The following ADAMTS8 variants were observed in gnomAD, a reference collection of about 807,000 sequenced individuals.
The protein encoded by ADAMTS8 is A disintegrin and metalloproteinase with thrombospondin motifs 8.
Under a neutral mutation model 64.4 loss-of-function variants are expected in ADAMTS8, and 50 were observed. The ratio of observed to expected loss-of-function variants is 0.78; its 90% confidence interval spans 0.62 to 0.98. The LOEUF is 0.98. Among genes scored for constraint, ADAMTS8 ranks in the 50% least tolerant of loss-of-function variants. ADAMTS8 has a pLI of 0.00. For missense variants in ADAMTS8, 1,192 were observed against 1,208.2 expected, an observed-to-expected ratio of 0.99 and a Z score of 0.20; for synonymous variants, 556 against 533.6, an observed-to-expected ratio of 1.04 and a Z score of -0.58.
At position 130,419,152 on chromosome 11, in the gene ADAMTS8, C is replaced by T. The variant is rs767856852; in HGVS notation, c.861G>A (p.Gly287=). 33 of 1,614,202 alleles carry T rather than the reference C, an allele frequency of 2.0e-5. No homozygotes were observed. Among genetic ancestry groups the T allele is most frequent in the Middle Eastern group, 1.6e-4 (1 of 6,062 alleles). Residue 287 remains glycine, a synonymous_variant, in exon 2 of 9, where the codon GGG becomes GGA. Coordinates refer to ENST00000257359, the MANE Select transcript of ADAMTS8 (RefSeq NM_007037.6). The stretch of plus-strand genomic sequence containing the variant: ...AGTTGCAGAAGTTACGCAGTGTAAG[C>T]CCCCCATTGTCGGACACCTCTGGGC... ...KWGPEVSDNG[G]LTLRNFCNWQ...
rs1427511306 is a variant in ADAMTS8 at position 130,414,591 on chromosome 11, C to A, written c.1506G>T (p.Gly502=). The change falls in exon 5 of 9, where the codon GGG becomes GGT. Residue 502 remains glycine (G), a synonymous_variant. Transcript: ENST00000257359. ...SLPWADGTPC[G]PGHLCSEGSC... ...TGCCTTCTGAGCAGAGGTGCCCAGG[C>A]CCGCACGGCGTGCCGTCAGCCCAGG... 1 of 1,613,086 alleles carries A rather than the reference C, an allele frequency of 6.2e-7. No homozygotes were observed. The highest frequency in any genetic ancestry group is 1.3e-5 in the African/African-American group (1 of 74,948).
Position 130,419,224 on chromosome 11 carries a change from G to A in ADAMTS8, c.789C>T (p.Ile263=). The A allele has an allele frequency of 6.2e-7, 1 of 1,614,126 alleles. No homozygotes were observed. Among genetic ancestry groups the A allele is most frequent in the Non-Finnish European group, 8.5e-7 (1 of 1,180,038 alleles). The change falls in exon 2 of 9, where the codon ATC becomes ATT. Residue 263 remains isoleucine (I), a synonymous_variant. Transcript: ENST00000257359. ...TCAGCACTTTTACCACCATCAGGTTGATGGAATTCTTGATGCTGGGGTGCT... is the reference window on the plus strand; with the variant it reads ...TCAGCACTTTTACCACCATCAGGTTAATGGAATTCTTGATGCTGGGGTGCT... ...IYKHPSIKNS[I]NLMVVKVLIV...
At chr11:130,422,814 C>T (rs1033389771) in intron 1 of ADAMTS8, among the ~76,000 whole-genome samples, 36 of 152,190 alleles carry the variant, frequency 2.4e-4, no homozygotes, top group Admixed American at 2.2e-3. Context: ...GCTGAAACAG[C>T]GGTGGCCGGC....
At chr11:130,423,599 G>A (rs747301730) in intron 1 of ADAMTS8, among the ~76,000 whole-genome samples, 1 of 152,180 alleles carries the variant, frequency 6.6e-6, no homozygotes, top group African/African-American at 2.4e-5. Flanking sequence ...TGTGACAGCC[G>A]TCCCTGAAGT....
In ADAMTS8 at chr11:130,414,520, C is replaced by T; in HGVS notation, c.1566+11G>A. On this transcript the variant is annotated intron_variant, in intron 5 of 8. Transcript: ENST00000257359. ...TTCCCCTCCCCGCTATCCTCAGGGG[C>T]TGTCCCTCACCTTGGGCCTCTCCAC... 6.3e-7 allele frequency: 1 copy of T among 1,581,120 alleles called. No homozygotes were observed. Among genetic ancestry groups the T allele is most frequent in the Non-Finnish European group, 8.6e-7 (1 of 1,160,762 alleles).
Position 130,428,001 on chromosome 11 carries a change from C to T in ADAMTS8, c.286G>A (p.Gly96Arg). 2 of 1,526,636 alleles carry T rather than the reference C, an allele frequency of 1.3e-6. No individual in the cohort carries two copies. The highest frequency in any genetic ancestry group is 2.5e-5 in the East Asian group (1 of 39,656). The allele number at this position is 1,526,636 out of a possible 1,614,324, so 94.6% of individuals were successfully genotyped here. A position where few individuals can be genotyped will look rare whatever the true frequency, so the allele number is the denominator to read the frequency against. ...GSGRATGGERGLRGCFFSGTV... is the reference protein window; with the variant it reads ...GSGRATGGERRLRGCFFSGTV... ...CCGGAGAAGAAGCAGCCGCGCAGCC[C>T]CCGCTCGCCCCCGGTCGCCCGGCCG... is the stretch of plus-strand genomic sequence containing the variant. The change falls in exon 1 of 9, where the codon GGG becomes AGG. Residue 96 changes from glycine to arginine, a missense_variant. Gly to Arg is a moderately radical substitution (Grantham distance 125). This residue lies in a region of ADAMTS8 where 741 missense variants were observed against 710.6 expected (regional missense o/e 1.04). Coordinates refer to ENST00000257359, the MANE Select transcript of ADAMTS8 (RefSeq NM_007037.6).
chr11:130,428,146 G>T lies in ADAMTS8; in HGVS notation c.141C>A (p.Pro47=), dbSNP rs1266006887. 1.3e-6 allele frequency: 2 copies of T among 1,485,014 alleles called. No individual in the cohort carries two copies. Among genetic ancestry groups the T allele is most frequent in the Admixed American group, 2.3e-5 (1 of 43,500 alleles). 92.0% of individuals were successfully genotyped at this position (1,485,014 alleles called of 1,614,324 possible). A position where few individuals can be genotyped will look rare whatever the true frequency, so the allele number is the denominator to read the frequency against. Reference sequence around the variant, plus strand: ...GGAGCGCGAGCTCGCCCGCGCTGCCGGGCAACCGCGTGGGCACCACCAGCT... The same window carrying T: ...GGAGCGCGAGCTCGCCCGCGCTGCCTGGCAACCGCGTGGGCACCACCAGCT... ...ASELVVPTRL[P]GSAGELALHL... The change falls in exon 1 of 9, where the codon CCC becomes CCA. Residue 47 remains proline (P), a synonymous_variant. Transcript: ENST00000257359.
At position 130,416,947 on chromosome 11, in the gene ADAMTS8, A is replaced by G. The variant is rs749788510; in HGVS notation, c.1089T>C (p.His363=). ...EGLQAAHTLA[H]ELGHVLSMPH... is the part of the protein sequence containing the mutation. ...TGGCACAGCAAATCTTACCTAGTTCATGGGCCAGGGTGTGGGCCGCCTGGA... is the reference window on the plus strand; with the variant it reads ...TGGCACAGCAAATCTTACCTAGTTCGTGGGCCAGGGTGTGGGCCGCCTGGA... Residue 363 remains histidine (H), a synonymous_variant, in exon 3 of 9, where the codon CAT becomes CAC. Transcript: ENST00000257359. This position sits in a 1 kb window ranked among gnomAD's most constrained non-coding sequence, Gnocchi z 4.8. 8.7e-6 allele frequency: 14 copies of G among 1,613,938 alleles called. No individual in the cohort carries two copies. The highest frequency in any genetic ancestry group is 5.3e-5 in the African/African-American group (4 of 74,924).
intron 1 of ADAMTS8, 151 bp downstream of exon 1, chr11:130,427,416 T>A (rs1862181375): frequency 1.1e-6 from 1 of 946,104 alleles, no homozygotes; most frequent in Non-Finnish European, 1.5e-6. Context: ...GAGAATCTCG[T>A]TTGGGGTAAG....
intron 1 of ADAMTS8, among the ~76,000 whole-genome samples, chr11:130,427,187 C>T (rs1250558694): frequency 1.3e-5 from 2 of 152,356 alleles, no homozygotes; most frequent in East Asian, 1.9e-4. Context: ...GGGAGCTATT[C>T]GTAAACGCTC....
rs753696375 is a variant in ADAMTS8 at position 130,416,219 on chromosome 11, A to G, written c.1208T>C (p.Leu403Pro). Residue 403 changes from leucine to proline, a missense_variant, in exon 4 of 9, where the codon CTG (leucine) becomes CCG (proline). Transcript: ENST00000257359. This position sits in a 1 kb window ranked among gnomAD's most constrained non-coding sequence, Gnocchi z 4.8. ...CATGGCGCTGCAGGGGGACCAGGGC[A>G]GCGTCTGGTTCAGGTGGACGAACAG... ...APLFVHLNQT[L>P]PWSPCSAMYL... The G allele has an allele frequency of 2.5e-6, 4 of 1,596,288 alleles. No individual in the cohort carries two copies. Among genetic ancestry groups the G allele is most frequent in the Non-Finnish European group, 3.4e-6 (4 of 1,172,146 alleles).
Position 130,414,702 on chromosome 11 carries a change from G to A in ADAMTS8, c.1395C>T (p.Asn465=), listed in dbSNP as rs1391056028. ...GGGCGCAGACGTCCTGAGCAGAGGTGTTGGGGCAGTGGCGGAAATCCGGCC... is the reference window on the plus strand; with the variant it reads ...GGGCGCAGACGTCCTGAGCAGAGGTATTGGGGCAGTGGCGGAAATCCGGCC... ...IFGPDFRHCP[N]TSAQDVCAQL... The change falls in exon 5 of 9, where the codon AAC becomes AAT. Residue 465 remains asparagine (N), a synonymous_variant. Transcript: ENST00000257359. 6.2e-7 allele frequency: 1 copy of A among 1,613,870 alleles called. No individual in the cohort carries two copies. The highest frequency in any genetic ancestry group is 2.2e-5 in the East Asian group (1 of 44,884).
intron 1 of ADAMTS8, among the ~76,000 whole-genome samples, chr11:130,420,053 C>T (rs1408946070): frequency 6.6e-6 from 1 of 152,196 alleles, no homozygotes; most frequent in Non-Finnish European, 1.5e-5. Flanking sequence ...TTGAAGGTCA[C>T]GCAGCTATTG....
chr11:130,419,127 A>G lies in ADAMTS8; in HGVS notation c.886T>C (p.Trp296Arg). 1.2e-6 allele frequency: 2 copies of G among 1,614,224 alleles called. No homozygotes were observed. The highest frequency in any genetic ancestry group is 8.5e-7 in the Non-Finnish European group (1 of 1,180,052). ...CTGGGCTGGTTGAAACGCCGCTGCC[A>G]GTTGCAGAAGTTACGCAGTGTAAGC... is the stretch of plus-strand genomic sequence containing the variant. ...GGLTLRNFCN[W>R]QRRFNQPSDR... Residue 296 changes from tryptophan (W) to arginine (R), a missense_variant, in exon 2 of 9, where the codon TGG becomes CGG. Trp to Arg is a moderately radical substitution (Grantham distance 101). Transcript: ENST00000257359.
intron 1 of ADAMTS8, among the ~76,000 whole-genome samples, chr11:130,423,542 G>C (rs2279570): frequency 0.51 from 77,665 of 152,050 alleles, 20,809 homozygotes; most frequent in Admixed American, 0.66. Flanking sequence ...GTGTCTTGTG[G>C]AAGACATTTT....
chr11:130,415,643 C>G (rs1243468274), intron 4 of ADAMTS8, among the ~76,000 whole-genome samples: 2 of 131,662 alleles, frequency 1.5e-5, no homozygotes, highest in African/African-American at 5.7e-5. Flanking sequence ...GCGTCTCTCT[C>G]TGTCACCCAG....
Position 130,406,057 on chromosome 11 carries a change from G to A in ADAMTS8, c.2171C>T (p.Pro724Leu), listed in dbSNP as rs777818338. Residue 724 changes from proline to leucine, a missense_variant, in exon 9 of 9, where the codon CCG becomes CTG. Coordinates refer to ENST00000257359, the MANE Select transcript of ADAMTS8 (RefSeq NM_007037.6). ...TNIDVKQRSH[P>L]GVQNDGNYLA... ...GTAGTTCCCATCGTTCTGCACACCC[G>A]GGTGGCTCCGCTGCTTCACGTCAAT... is the stretch of plus-strand genomic sequence containing the variant. The A allele has an allele frequency of 4.3e-6, 7 of 1,613,924 alleles. No individual in the cohort carries two copies. The highest frequency in any genetic ancestry group is 4.0e-5 in the African/African-American group (3 of 75,054).
intron 8 of ADAMTS8, among the ~76,000 whole-genome samples, chr11:130,407,711 A>G (rs1464636695): frequency 6.6e-6 from 1 of 152,208 alleles, no homozygotes; most frequent in Non-Finnish European, 1.5e-5. Flanking sequence ...AGTACATGGA[A>G]TGGGAGACAA....
At chr11:130,423,598 C>T (rs1245619621) in intron 1 of ADAMTS8, among the ~76,000 whole-genome samples, 3 of 152,168 alleles carry the variant, frequency 2.0e-5, no homozygotes, top group Non-Finnish European at 4.4e-5. Context: ...CTGTGACAGC[C>T]GTCCCTGAAG....
Sources: gnomAD v4.1 joint callset for allele counts (sites outside exome capture counted in the v4.1 genomes callset) on GRCh38, gnomAD v4.1.1 for gene constraint, gnomAD v4.1.1 regional missense constraint, Gnocchi (gnomAD v3.1) non-coding constraint, MANE v1.5 for transcripts, NCBI Gene and HGNC (gene_info 2026-07-23, HGNC 2026-07-21) for gene names.